The following MNAT1 variants were observed in gnomAD, a reference collection of about 807,000 sequenced individuals.
MNAT1 encodes MNAT1 component of CDK activating kinase, also known as CDK-activating kinase assembly factor MAT1.
MNAT1 carries 43 observed loss-of-function variants against 42.0 expected under a neutral mutation model. The ratio of observed to expected loss-of-function variants is 1.02; its 90% CI spans 0.80 to 1.32. MNAT1 has a LOEUF of 1.32. MNAT1 is among the 40% of genes most tolerant of loss of function. The pLI, the probability that MNAT1 is intolerant of heterozygous loss-of-function variation, is 0.00. For synonymous variants in MNAT1, 118 were observed against 120.0 expected, an observed-to-expected ratio of 0.98 and a Z score of 0.11; for missense variants, 306 against 350.4, an observed-to-expected ratio of 0.87 and a Z score of 1.01.
At chr14:60,883,774 C>T (rs2034602197) in intron 7 of MNAT1, among the ~76,000 whole-genome samples, 1 of 151,904 alleles carries the variant, frequency 6.6e-6, no homozygotes, top group Non-Finnish European at 1.5e-5. Context: ...TTATAGTTTT[C>T]ATAGTAGAGA....
At chr14:60,788,637 T>C (rs2031726178) in intron 1 of MNAT1, among the ~76,000 whole-genome samples, 1 of 152,230 alleles carries the variant, frequency 6.6e-6, no homozygotes, top group South Asian at 2.1e-4. Flanking sequence ...ATAGATATTA[T>C]GGATAACTTG....
At chr14:60,854,817 A>G (rs1393519536) in intron 6 of MNAT1, among the ~76,000 whole-genome samples, 3 of 152,148 alleles carry the variant, frequency 2.0e-5, no homozygotes, top group African/African-American at 7.2e-5. Context: ...CCCTTAGCAG[A>G]GCTGGTGCAC....
chr14:60,826,307 ATTTTTTTTTTTTT>A lies in MNAT1; in HGVS notation c.687+7475_687+7487del, dbSNP rs60838198. On this transcript the variant is annotated intron_variant, in intron 6 of 7. Transcript: ENST00000261245. The stretch of plus-strand genomic sequence containing the variant: ...ACTATTTTATGCATGAATAGGAGAA[ATTTTTTTTTTTTT>A]TTTTTTTTTTTTTTGAGATGGAGTC... Among the ~76,000 whole-genome samples, 696 of 119,772 alleles carry A rather than the reference ATTTTTTTTTTTTT, an allele frequency of 5.8e-3. 4 individuals carry two copies. The highest frequency in any genetic ancestry group is 0.02 in the African/African-American group (650 of 32,218). 78.6% of individuals were successfully genotyped at this position (119,772 alleles called of 152,430 possible). A position where few individuals can be genotyped will look rare whatever the true frequency, so the allele number is the denominator to read the frequency against.
At chr14:60,832,612 G>C (rs549969404) in intron 6 of MNAT1, among the ~76,000 whole-genome samples, 122 of 152,154 alleles carry the variant, frequency 8.0e-4, no homozygotes, top group African/African-American at 2.9e-3. Context: ...CAGGTAGCAT[G>C]ATGGCTCCAG....
At chr14:60,898,971 A>G (rs1397686976) in intron 7 of MNAT1, among the ~76,000 whole-genome samples, 1 of 152,170 alleles carries the variant, frequency 6.6e-6, no homozygotes, top group Non-Finnish European at 1.5e-5. Context: ...ATTATTCTGC[A>G]TATGAATATC....
intron 7 of MNAT1, among the ~76,000 whole-genome samples, chr14:60,951,006 G>A (rs1254472124): frequency 6.6e-6 from 1 of 152,090 alleles, no homozygotes; most frequent in African/African-American, 2.4e-5. Flanking sequence ...GTAGAAGAGA[G>A]GTAGCGATAA....
At chr14:60,934,107 C>T (rs1594887876) in intron 7 of MNAT1, among the ~76,000 whole-genome samples, 1 of 152,134 alleles carries the variant, frequency 6.6e-6, no homozygotes, top group South Asian at 2.1e-4. Context: ...TTCAGAAGTT[C>T]AAAGTCCAAG....
At chr14:60,741,256 A>G (rs1414303943) in intron 1 of MNAT1, among the ~76,000 whole-genome samples, 2 of 152,216 alleles carry the variant, frequency 1.3e-5, no homozygotes, top group Admixed American at 6.5e-5. Context: ...CAGTGGCACA[A>G]TCATAAACTC....
At chr14:60,804,963 A>G (rs2032321910) in intron 3 of MNAT1, among the ~76,000 whole-genome samples, 1 of 152,218 alleles carries the variant, frequency 6.6e-6, no homozygotes, top group Admixed American at 6.5e-5. Flanking sequence ...TGAACATACT[A>G]GTAGAGCTCT....
chr14:60,852,381 T>G (rs1342544436), intron 6 of MNAT1, among the ~76,000 whole-genome samples: 6 of 152,266 alleles, frequency 3.9e-5, no homozygotes, highest in African/African-American at 7.2e-5. Flanking sequence ...TGGGGTTTTT[T>G]TTGTTGTTGT....
intron 1 of MNAT1, among the ~76,000 whole-genome samples, chr14:60,788,094 T>C (rs1418951700): frequency 6.6e-6 from 1 of 152,204 alleles, no homozygotes; most frequent in Non-Finnish European, 1.5e-5. Context: ...CATTATGACA[T>C]GTATTACTTA....
intron 6 of MNAT1, among the ~76,000 whole-genome samples, chr14:60,844,637 A>G (rs937863947): frequency 6.6e-6 from 1 of 151,972 alleles, no homozygotes; most frequent in Non-Finnish European, 1.5e-5. Context: ...TGTTAACTGC[A>G]TTTAGAGACA....
intron 7 of MNAT1, among the ~76,000 whole-genome samples, chr14:60,895,611 A>G (rs2034939333): frequency 6.6e-6 from 1 of 152,108 alleles, no homozygotes; most frequent in African/African-American, 2.4e-5. Context: ...AACTAGTTTA[A>G]TTTCTCTAGA....
At chr14:60,812,162 A>G (rs1594771890) in intron 5 of MNAT1, 35 bp downstream of exon 5, 2 of 1,482,878 alleles carry the variant, frequency 1.3e-6, no homozygotes, top group Non-Finnish European at 1.8e-6. Flanking sequence ...TGTAAAAAAC[A>G]TTCTTCAGGA....
intron 6 of MNAT1, among the ~76,000 whole-genome samples, chr14:60,831,149 G>A (rs1043844629): frequency 4.0e-5 from 6 of 150,880 alleles, no homozygotes. Flanking sequence ...TACATGTGGA[G>A]GTTTGTTCTT....
chr14:60,925,054 A>T (rs1228230170), intron 7 of MNAT1, among the ~76,000 whole-genome samples: 1 of 152,208 alleles, frequency 6.6e-6, no homozygotes, highest in Non-Finnish European at 1.5e-5. Context: ...ACATCCATAG[A>T]TTCAACTAAC....
intron 6 of MNAT1, among the ~76,000 whole-genome samples, chr14:60,849,150 G>A (rs1425322426): frequency 6.6e-6 from 1 of 152,172 alleles, no homozygotes; most frequent in Non-Finnish European, 1.5e-5. Context: ...TTCTTGTTAA[G>A]CACATGGAAA....
chr14:60,842,344 G>A (rs1194254804), intron 6 of MNAT1, among the ~76,000 whole-genome samples: 2 of 152,038 alleles, frequency 1.3e-5, no homozygotes, highest in Non-Finnish European at 2.9e-5. Flanking sequence ...AGCTGCCCTG[G>A]GATCCCTGAA....
intron 7 of MNAT1, among the ~76,000 whole-genome samples, chr14:60,928,967 T>C (rs2035822375): frequency 1.3e-5 from 2 of 150,676 alleles, no homozygotes; most frequent in Admixed American, 6.6e-5. Context: ...GCTAACACGG[T>C]GAAAGCTCGT....
Sources: allele counts gnomAD v4.1 joint callset (sites outside exome capture counted in the v4.1 genomes callset), GRCh38; gene constraint gnomAD v4.1.1; transcripts MANE v1.5; gene names NCBI Gene and HGNC (gene_info 2026-07-23, HGNC 2026-07-21).